ANK2: variants seen among roughly 807,000 people sequenced by gnomAD.
ANK2 encodes ankyrin-2.
In ANK2, 83 loss-of-function variants were observed where a neutral mutation model predicts 360.5. That is an observed-to-expected ratio of 0.23 (90% confidence interval 0.19 to 0.28). ANK2 has a LOEUF of 0.28. ANK2 is among the 10% of genes least tolerant of loss of function. The pLI, the probability that ANK2 is intolerant of heterozygous loss-of-function variation, is 1.00. For missense variants in ANK2, 4,201 were observed against 4,795.7 expected, an observed-to-expected ratio of 0.88 and a Z score of 3.66; for synonymous variants, 1,740 against 1,759.5, an observed-to-expected ratio of 0.99 and a Z score of 0.28.
chr4:112,994,551 C>T (rs1299037963), intron 2 of ANK2, among the ~76,000 whole-genome samples: 1 of 152,084 alleles, frequency 6.6e-6, no homozygotes, highest in Non-Finnish European at 1.5e-5. Context: ...AGACAATCTC[C>T]AGTAGTTTAA....
intron 7 of ANK2, among the ~76,000 whole-genome samples, chr4:113,237,922 G>A (rs532454242): frequency 1.3e-5 from 2 of 152,128 alleles, no homozygotes; most frequent in African/African-American, 4.8e-5. Context: ...TTGTCAAGAA[G>A]AGATATGATT....
rs536253655 is a variant in ANK2, at chr4:112,845,282, G to A, written c.-40+27018G>A. Reference sequence around the variant, plus strand: ...ATCAACAGTATAATCAATTTTCTGAGGTTAGGGCTCAAATATTGATGAACA... The same window carrying A: ...ATCAACAGTATAATCAATTTTCTGAAGTTAGGGCTCAAATATTGATGAACA... On this transcript the variant is annotated intron_variant, in intron 1 of 30. Coordinates refer to the ANK2 transcript ENST00000503271. 4.6e-5 allele frequency among the ~76,000 whole-genome samples: 7 copies of A among 150,882 alleles called. No homozygotes were observed. In the South Asian group the frequency reaches 1.5e-3, roughly 32 times the overall value.
chr4:112,886,495 C>T (rs1177291530), intron 1 of ANK2, among the ~76,000 whole-genome samples: 8 of 151,948 alleles, frequency 5.3e-5, no homozygotes. Flanking sequence ...AAACTCGTCT[C>T]TATTAAAAAT....
Position 112,819,206 on chromosome 4 carries a change from A to G in ANK2, c.-40+942A>G, listed in dbSNP as rs190957094. Among the ~76,000 whole-genome samples, 196 of 152,332 alleles carry G rather than the reference A, an allele frequency of 1.3e-3. 1 individual carries two copies. In the Middle Eastern group the frequency reaches 0.037, roughly 29 times the overall value. ...AAAATAAATGTGTGTGGTTGGAAGGAGATATAAAGGGGAATTTAGAAGAAC... is the reference window on the plus strand; with the variant it reads ...AAAATAAATGTGTGTGGTTGGAAGGGGATATAAAGGGGAATTTAGAAGAAC... On this transcript the variant is annotated intron_variant, in intron 1 of 30. Transcript: ENST00000503271.
intron 2 of ANK2, among the ~76,000 whole-genome samples, chr4:112,953,470 A>G (rs536105076): frequency 6.6e-6 from 1 of 152,358 alleles, no homozygotes; most frequent in Admixed American, 6.5e-5. Flanking sequence ...AGCCCTGCCT[A>G]TTGTTCCCAA....
chr4:113,076,625 G>C (rs1373517010), intron 1 of ANK2, among the ~76,000 whole-genome samples: 1 of 151,902 alleles, frequency 6.6e-6, no homozygotes, highest in Non-Finnish European at 1.5e-5. Context: ...ACGAAACCCT[G>C]TCTCTGTAAA....
intron 1 of ANK2, among the ~76,000 whole-genome samples, chr4:113,114,222 C>T (rs558180197): frequency 1.3e-5 from 2 of 152,188 alleles, no homozygotes; most frequent in East Asian, 1.9e-4. Flanking sequence ...GAGCCCTGAA[C>T]CTTGGCCCTC....
the ANK2 span, among the ~76,000 whole-genome samples, chr4:112,804,427 G>T: frequency 2.0e-5 from 3 of 152,178 alleles, no homozygotes; most frequent in Non-Finnish European, 4.4e-5. Flanking sequence ...GAAGGGACAG[G>T]GCTATGGTGG....
At chr4:112,949,472 C>G (rs1225764731) in intron 2 of ANK2, among the ~76,000 whole-genome samples, 1 of 152,110 alleles carries the variant, frequency 6.6e-6, no homozygotes, top group East Asian at 1.9e-4. Context: ...AATGTGGATG[C>G]TACTGACTTG....
intron 38 of ANK2, among the ~76,000 whole-genome samples, chr4:113,360,137 G>A (rs994824993): frequency 3.9e-5 from 6 of 152,186 alleles, no homozygotes; most frequent in Non-Finnish European, 2.9e-5. Flanking sequence ...CTATCAATCA[G>A]TGGGAGTTAA....
At chr4:112,916,755 T>C (rs1464124924) in intron 2 of ANK2, among the ~76,000 whole-genome samples, 1 of 152,120 alleles carries the variant, frequency 6.6e-6, no homozygotes, top group Non-Finnish European at 1.5e-5. Context: ...AATGAATAGG[T>C]GAGAATTTAT....
At chr4:112,805,404 G>A in the ANK2 span, among the ~76,000 whole-genome samples, 1 of 152,088 alleles carries the variant, frequency 6.6e-6, no homozygotes, top group Non-Finnish European at 1.5e-5. Context: ...ACCAAAATGG[G>A]CCAGGCCAAC....
At chr4:112,772,330 A>G in the ANK2 span, among the ~76,000 whole-genome samples, 13 of 152,216 alleles carry the variant, frequency 8.5e-5, no homozygotes, top group Non-Finnish European at 1.5e-4. Context: ...CTTATTTACT[A>G]CTATGAGAAC....
chr4:113,042,693 G>A (rs1463552869), intron 2 of ANK2, among the ~76,000 whole-genome samples: 3 of 152,102 alleles, frequency 2.0e-5, no homozygotes, highest in African/African-American at 7.2e-5. Flanking sequence ...CAACTATGTG[G>A]GCCTCATCTC....
chr4:113,232,915 C>G (rs2099327953), intron 5 of ANK2, among the ~76,000 whole-genome samples: 1 of 151,900 alleles, frequency 6.6e-6, no homozygotes, highest in African/African-American at 2.4e-5. Flanking sequence ...CTCATTTTTG[C>G]TTAGGCAGAT....
At chr4:113,119,633 C>T (rs1177224650) in intron 1 of ANK2, among the ~76,000 whole-genome samples, 1 of 152,094 alleles carries the variant, frequency 6.6e-6, no homozygotes, top group African/African-American at 2.4e-5. Flanking sequence ...TAAGGGAAAG[C>T]ATCAGTTGTA....
At chr4:113,333,551 C>T (rs144178892) in intron 29 of ANK2, among the ~76,000 whole-genome samples, 9 of 152,112 alleles carry the variant, frequency 5.9e-5, no homozygotes, top group South Asian at 2.1e-4. Flanking sequence ...TGCTTCATAA[C>T]GAAATGAACT....
intron 2 of ANK2, among the ~76,000 whole-genome samples, chr4:112,976,615 GA>G (rs1258446362): frequency 4.0e-5 from 6 of 151,832 alleles, no homozygotes; most frequent in Admixed American, 2.6e-4. Context: ...ATTTTAAAAT[GA>G]AATGTAAACT....
intron 1 of ANK2, among the ~76,000 whole-genome samples, chr4:112,849,547 C>T (rs757689920): frequency 7.9e-5 from 12 of 152,124 alleles, no homozygotes; most frequent in Non-Finnish European, 1.5e-4. Flanking sequence ...TCTTACCTGT[C>T]GAGGCTAGTT....
Sources: gnomAD v4.1 joint callset for allele counts (sites outside exome capture counted in the v4.1 genomes callset) on GRCh38, gnomAD v4.1.1 for gene constraint, MANE v1.5 for transcripts, NCBI Gene and HGNC (gene_info 2026-07-23, HGNC 2026-07-21) for gene names.